The following CSMD3 variants were observed in gnomAD, a reference collection of about 807,000 sequenced individuals.
CSMD3 encodes CUB and Sushi multiple domains 3, also known as CUB and sushi domain-containing protein 3.
A neutral mutation model predicts 435.2 loss-of-function variants in CSMD3; 177 were observed. The observed-to-expected ratio is 0.41, with a 90% CI of 0.36 to 0.46. The LOEUF (loss-of-function observed/expected upper bound fraction) is 0.46. CSMD3 is among the 20% of genes least tolerant of loss of function. The probability of loss-of-function intolerance (pLI) is 0.34; values close to 1 mark genes in which losing one functional copy is unlikely to be tolerated. For missense variants in CSMD3, 4,265 were observed against 4,504.6 expected, an observed-to-expected ratio of 0.95 and a Z score of 1.52; for synonymous variants, 1,656 against 1,520.5, an observed-to-expected ratio of 1.09 and a Z score of -2.07.
intron 13 of CSMD3, among the ~76,000 whole-genome samples, chr8:112,713,832 T>A (rs949447336): frequency 6.6e-6 from 1 of 152,042 alleles, no homozygotes; most frequent in Non-Finnish European, 1.5e-5. Flanking sequence ...CTAAGCTTCA[T>A]AAGGGAAGGA....
intron 10 of CSMD3, among the ~76,000 whole-genome samples, chr8:112,861,515 G>A (rs1244897818): frequency 6.6e-6 from 1 of 151,556 alleles, no homozygotes; most frequent in East Asian, 1.9e-4. Flanking sequence ...TGTTTTCTAG[G>A]TCTAGAATAT....
At chr8:113,115,966 C>G (rs1388771467) in intron 4 of CSMD3, among the ~76,000 whole-genome samples, 1 of 152,114 alleles carries the variant, frequency 6.6e-6, no homozygotes, top group Non-Finnish European at 1.5e-5. Context: ...GAGGACACAG[C>G]AAGAAGGCAT....
intron 56 of CSMD3, among the ~76,000 whole-genome samples, chr8:112,290,166 T>G (rs1382478875): frequency 6.6e-6 from 1 of 152,080 alleles, no homozygotes. Context: ...GTCAATACAT[T>G]GTAGAATATT....
At chr8:112,850,419 T>G (rs1298740380) in intron 11 of CSMD3, among the ~76,000 whole-genome samples, 2 of 152,202 alleles carry the variant, frequency 1.3e-5, no homozygotes, top group Non-Finnish European at 1.5e-5. Context: ...AATGCTTTTG[T>G]TGATGTCTGC....
intron 53 of CSMD3, among the ~76,000 whole-genome samples, chr8:112,297,932 GC>G (rs1389187489): frequency 6.6e-6 from 1 of 151,640 alleles, no homozygotes; most frequent in Non-Finnish European, 1.5e-5. Context: ...ACCAGCCTGG[GC>G]AACATAGCAA....
intron 49 of CSMD3, among the ~76,000 whole-genome samples, chr8:112,312,004 T>A (rs1822018805): frequency 1.3e-5 from 2 of 152,162 alleles, no homozygotes; most frequent in African/African-American, 4.8e-5. Context: ...TTTCATTATA[T>A]TAATATCCAA....
At chr8:112,525,397 A>ACAAATAAAAATAACTATC in intron 27 of CSMD3, among the ~76,000 whole-genome samples, 1 of 150,278 alleles carries the variant, frequency 6.7e-6, no homozygotes, top group Non-Finnish European at 1.5e-5. Flanking sequence ...TCTATCCCAG[A>ACAAATAAAAATAACTATC]ATAAAGTAGA....
intron 22 of CSMD3, among the ~76,000 whole-genome samples, chr8:112,601,125 C>T (rs944211040): frequency 6.6e-6 from 1 of 151,662 alleles, no homozygotes; most frequent in Non-Finnish European, 1.5e-5. Flanking sequence ...AAATATACTT[C>T]TTTTATCTAA....
intron 5 of CSMD3, among the ~76,000 whole-genome samples, chr8:113,079,014 A>C (rs2089453453): frequency 6.6e-6 from 1 of 152,188 alleles, no homozygotes; most frequent in Non-Finnish European, 1.5e-5. Flanking sequence ...TGCTTCACAG[A>C]CAGAATATGT....
At chr8:112,969,284 C>T (rs192678035) in intron 7 of CSMD3, among the ~76,000 whole-genome samples, 223 of 151,974 alleles carry the variant, frequency 1.5e-3, no homozygotes, top group African/African-American at 5.0e-3. Flanking sequence ...ATAAAAAATT[C>T]CTGCTTCTTT....
chr8:112,807,200 C>T (rs2079110507), intron 12 of CSMD3, among the ~76,000 whole-genome samples: 1 of 152,170 alleles, frequency 6.6e-6, no homozygotes, highest in Non-Finnish European at 1.5e-5. Flanking sequence ...ACTCTGCCGT[C>T]TCCCTAGTGC....
intron 18 of CSMD3, 56 bp from the exon 19 acceptor site, chr8:112,650,405 G>T: frequency 2.2e-6 from 3 of 1,343,846 alleles, no homozygotes; most frequent in Non-Finnish European, 3.2e-6. Flanking sequence ...TGGAGTTGCT[G>T]AAAATAATTC....
chr8:113,180,407 T>G (rs1335839246), intron 3 of CSMD3, among the ~76,000 whole-genome samples: 1 of 152,042 alleles, frequency 6.6e-6, no homozygotes, highest in African/African-American at 2.4e-5. Flanking sequence ...ATGAGTGTTT[T>G]GAATCACCTA....
At chr8:113,222,478 A>G (rs1197013874) in intron 3 of CSMD3, among the ~76,000 whole-genome samples, 1 of 151,060 alleles carries the variant, frequency 6.6e-6, no homozygotes, top group Admixed American at 6.6e-5. Context: ...CATTATTTTC[A>G]TAAATATAAA....
chr8:113,048,117 G>A (rs1391874687), intron 5 of CSMD3, among the ~76,000 whole-genome samples: 3 of 140,028 alleles, frequency 2.1e-5, no homozygotes, highest in African/African-American at 5.4e-5. Flanking sequence ...GACCGAGACC[G>A]AGTCTCGCTC....
intron 1 of CSMD3, among the ~76,000 whole-genome samples, chr8:113,383,895 T>C (rs539262689): frequency 6.6e-6 from 1 of 152,238 alleles, no homozygotes; most frequent in Non-Finnish European, 1.5e-5. Context: ...CCTTCTCACT[T>C]GGTCCCTCTG....
chr8:113,147,023 T>G (rs2091690860), intron 4 of CSMD3, among the ~76,000 whole-genome samples: 1 of 151,698 alleles, frequency 6.6e-6, no homozygotes, highest in African/African-American at 2.4e-5. Flanking sequence ...CTAGAATGTT[T>G]AACTATGTCA....
intron 27 of CSMD3, among the ~76,000 whole-genome samples, chr8:112,517,767 A>C (rs1044913926): frequency 5.3e-5 from 8 of 152,188 alleles, no homozygotes; most frequent in African/African-American, 1.9e-4. Flanking sequence ...GATAACAATA[A>C]ATGCTGGTAA....
intron 25 of CSMD3, 142 bp from the exon 26 acceptor site, chr8:112,552,862 C>T (rs1827808792): frequency 1.5e-6 from 1 of 686,298 alleles, no homozygotes; most frequent in African/African-American, 1.8e-5. Flanking sequence ...TTTAAAGTAT[C>T]AATTGAAGCA....
Sources: allele counts gnomAD v4.1 joint callset (sites outside exome capture counted in the v4.1 genomes callset), GRCh38; gene constraint gnomAD v4.1.1; transcripts MANE v1.5; gene names NCBI Gene and HGNC (gene_info 2026-07-23, HGNC 2026-07-21).